The following LAMA2 variants were observed in gnomAD, a reference collection of about 807,000 sequenced individuals.
LAMA2 encodes the protein laminin subunit alpha-2.
In LAMA2, 269 loss-of-function variants were observed where a neutral mutation model predicts 364.8. The observed-to-expected ratio is 0.74, with a 90% CI of 0.67 to 0.82. LAMA2 has a LOEUF of 0.82. LAMA2 is among the 40% of genes least tolerant of loss of function. The pLI, the probability that LAMA2 is intolerant of heterozygous loss-of-function variation, is 0.00. For missense variants in LAMA2, 3,807 were observed against 3,873.2 expected (o/e 0.98, Z 0.45); for synonymous variants, 1,379 against 1,370.6 (o/e 1.01, Z -0.14).
chr6:128,924,031 A>G (rs1194534478), intron 1 of LAMA2, among the ~76,000 whole-genome samples: 1 of 152,120 alleles, frequency 6.6e-6, no homozygotes, highest in Admixed American at 6.6e-5. Context: ...AGGGGCTGAG[A>G]AGTGTAGGGA....
chr6:129,392,136 T>C (rs189596212), intron 36 of LAMA2, among the ~76,000 whole-genome samples: 77 of 152,302 alleles, frequency 5.1e-4, no homozygotes, highest in African/African-American at 1.8e-3. Flanking sequence ...CATCAAATAA[T>C]AAACACCTAA....
In LAMA2 at chr6:129,416,512, ATGG is replaced by A. The variant is rs1780797807; in HGVS notation, c.5866-11237_5866-11235del. Among the ~76,000 whole-genome samples, 7 of 152,254 alleles carry A rather than the reference ATGG, an allele frequency of 4.6e-5. No individual in the cohort carries two copies. In the South Asian group the frequency reaches 1.5e-3, roughly 32 times the overall value. On this transcript the variant is annotated intron_variant, in intron 40 of 64. Transcript: ENST00000421865. ...GGCCAGATATGTCAGGGCACACAGCATGGTGAGCCATTCCCTGGCCAGTTCCAT... is the reference window on the plus strand; with the variant it reads ...GGCCAGATATGTCAGGGCACACAGCATGAGCCATTCCCTGGCCAGTTCCAT...
intron 16 of LAMA2, among the ~76,000 whole-genome samples, chr6:129,269,621 T>G (rs1787781265): frequency 6.6e-6 from 1 of 152,094 alleles, no homozygotes; most frequent in Non-Finnish European, 1.5e-5. Context: ...ATTCAATTTT[T>G]TAAAACCCTT....
At chr6:129,133,867 A>AACAC (rs148016532) in intron 4 of LAMA2, among the ~76,000 whole-genome samples, 9 of 151,236 alleles carry the variant, frequency 6.0e-5, no homozygotes, top group Admixed American at 2.6e-4. Context: ...GAGACAATTC[A>AACAC]ACACACACAC....
chr6:129,258,160 T>A (rs921449823), intron 14 of LAMA2, among the ~76,000 whole-genome samples: 1 of 152,028 alleles, frequency 6.6e-6, no homozygotes, highest in African/African-American at 2.4e-5. Context: ...GAGTAGCCCA[T>A]AAGCTCATGC....
chr6:128,938,658 C>T (rs923818776), intron 1 of LAMA2, among the ~76,000 whole-genome samples: 15 of 152,118 alleles, frequency 9.9e-5, no homozygotes, highest in African/African-American at 2.9e-4. Flanking sequence ...GGATGTCCTT[C>T]GGAGAAGTAT....
At chr6:129,409,514 A>G (rs1249205601) in intron 40 of LAMA2, among the ~76,000 whole-genome samples, 1 of 152,230 alleles carries the variant, frequency 6.6e-6, no homozygotes, top group African/African-American at 2.4e-5. Context: ...GTCAGAAAGC[A>G]TCCAGTTCAT....
In LAMA2 at chr6:129,192,692, AG is replaced by A; in HGVS notation, c.1622del (p.Ser541MetfsTer5). ...TGTTTTCTCTAAGATACAAGATATG[AG>A]TGGCTGGTATCTGACTGACCTTCCT... ...YWTYGKIQDMSGWYLTDLPGR... is the reference protein window; with the variant it reads ...YWTYGKIQDMXGWYLTDLPGR... On this transcript the variant is annotated frameshift_variant, in exon 12 of 65. Coordinates refer to ENST00000421865, the MANE Select transcript of LAMA2 (RefSeq NM_000426.4). LOFTEE classifies it high-confidence loss of function. 6.2e-7 allele frequency: 1 copy of A among 1,613,974 alleles called. No individual in the cohort carries two copies. The highest frequency in any genetic ancestry group is 8.5e-7 in the Non-Finnish European group (1 of 1,179,846).
chr6:128,953,651 G>A (rs868139411), intron 1 of LAMA2, among the ~76,000 whole-genome samples: 3 of 151,088 alleles, frequency 2.0e-5, no homozygotes, highest in African/African-American at 7.3e-5. Flanking sequence ...ATATATGTAT[G>A]GTGTTTGTGT....
intron 15 of LAMA2, among the ~76,000 whole-genome samples, chr6:129,262,355 C>T (rs143060797): frequency 1.4e-3 from 212 of 152,042 alleles, no homozygotes; most frequent in Middle Eastern, 3.4e-3. Flanking sequence ...GTATGTGCTA[C>T]AGAACATACA....
chr6:129,340,296 AT>A lies in LAMA2; in HGVS notation c.4312-2037del, dbSNP rs766094026. 5.5e-4 allele frequency among the ~76,000 whole-genome samples: 83 copies of A among 149,920 alleles called. 1 individual carries two copies. The highest frequency in any genetic ancestry group is 1.9e-3 in the East Asian group (10 of 5,142). Reference sequence around the variant, plus strand: ...TGTCAAGCAATTTGAGACCTCACAGATTTTTTTTTTAAGACAGGAAAGGCTT... The same window carrying A: ...TGTCAAGCAATTTGAGACCTCACAGATTTTTTTTTAAGACAGGAAAGGCTT... On this transcript the variant is annotated intron_variant, in intron 29 of 64. Coordinates refer to ENST00000421865, the MANE Select transcript of LAMA2 (RefSeq NM_000426.4).
At chr6:129,236,379 C>T (rs528901895) in intron 12 of LAMA2, among the ~76,000 whole-genome samples, 273 of 152,200 alleles carry the variant, frequency 1.8e-3, no homozygotes, top group African/African-American at 6.4e-3. Context: ...CATCTGGTTT[C>T]GGCAGTGCTG....
At chr6:129,482,808 C>T (rs1236724197) in intron 55 of LAMA2, among the ~76,000 whole-genome samples, 1 of 151,962 alleles carries the variant, frequency 6.6e-6, no homozygotes, top group Non-Finnish European at 1.5e-5. Context: ...CGCCTGTAAT[C>T]CCAGCACTTT....
At position 129,486,457 on chromosome 6, in the gene LAMA2, A is replaced by C; in HGVS notation, c.7750-17A>C. ...TGAGACTTCTGTTTAATCTTCAATAACCACTTGCTGTTGCAGGCCTATTAT... is the reference window on the plus strand; with the variant it reads ...TGAGACTTCTGTTTAATCTTCAATACCCACTTGCTGTTGCAGGCCTATTAT... On this transcript the variant is annotated splice_polypyrimidine_tract_variant and intron_variant, in intron 55 of 64. Coordinates refer to ENST00000421865, the MANE Select transcript of LAMA2 (RefSeq NM_000426.4). 6.2e-7 allele frequency: 1 copy of C among 1,612,670 alleles called. No homozygotes were observed. The highest frequency in any genetic ancestry group is 8.5e-7 in the Non-Finnish European group (1 of 1,178,872).
chr6:129,480,344 C>CCTAA (rs1784285132), intron 54 of LAMA2, among the ~76,000 whole-genome samples: 1 of 151,988 alleles, frequency 6.6e-6, no homozygotes, highest in Admixed American at 6.6e-5. Flanking sequence ...ACTTTAAATT[C>CCTAA]CTAACTACAT....
chr6:129,470,270 T>C (rs2114818678), intron 51 of LAMA2, among the ~76,000 whole-genome samples: 1 of 151,860 alleles, frequency 6.6e-6, no homozygotes, highest in African/African-American at 2.4e-5. Context: ...GTAATACAGA[T>C]TTGGGAGTTA....
At position 129,342,404 on chromosome 6, in the gene LAMA2, T is replaced by C; in HGVS notation, c.4373T>C (p.Ile1458Thr). 1 of 1,613,548 alleles carries C rather than the reference T, an allele frequency of 6.2e-7. No individual in the cohort carries two copies. The highest frequency in any genetic ancestry group is 8.5e-7 in the Non-Finnish European group (1 of 1,179,524). ...CERCALGYYG[I>T]VKGLPNDCQQ... ...CGATGTGCTCTTGGATACTATGGAA[T>C]TGTCAAGGGATTGCCAAATGACTGT... The change falls in exon 30 of 65, where the codon ATT becomes ACT. Residue 1458 changes from isoleucine to threonine, a missense_variant. Coordinates refer to ENST00000421865, the MANE Select transcript of LAMA2 (RefSeq NM_000426.4).
intron 12 of LAMA2, among the ~76,000 whole-genome samples, chr6:129,239,450 C>A (rs902321715): frequency 2.0e-5 from 3 of 152,266 alleles, no homozygotes; most frequent in Admixed American, 1.3e-4. Flanking sequence ...TATTCTATTA[C>A]CCTACAATAG....
chr6:129,431,703 C>T (rs548471958), intron 41 of LAMA2, among the ~76,000 whole-genome samples: 1 of 152,242 alleles, frequency 6.6e-6, no homozygotes, highest in Admixed American at 6.5e-5. Context: ...AATAATGAAT[C>T]AGTGCATTGC....
Sources: allele counts gnomAD v4.1 joint callset (sites outside exome capture counted in the v4.1 genomes callset), GRCh38; gene constraint gnomAD v4.1.1; transcripts MANE v1.5; gene names NCBI Gene and HGNC (gene_info 2026-07-23, HGNC 2026-07-21).